Variants in RAD23B observed in about 807,000 individuals in gnomAD.
RAD23B encodes the protein RAD23 nucleotide excision repair protein B, also known as lysine-specific demethylase RAD23B.
A neutral mutation model predicts 49.1 loss-of-function variants in RAD23B; 5 were observed. The observed-to-expected ratio is 0.10, with a 90% CI of 0.05 to 0.21. The LOEUF is 0.21. Among genes scored for constraint, RAD23B ranks in the 10% least tolerant of loss-of-function variants. RAD23B has a pLI of 1.00. For synonymous variants in RAD23B, 184 were observed against 165.4 expected (o/e 1.11, Z -0.86); for missense variants, 356 against 486.7 (o/e 0.73, Z 2.53).
At position 107,331,884 on chromosome 9, in the gene RAD23B, T is replaced by C. The variant is rs1488096149; in HGVS notation, c.*2228T>C. Reference sequence around the variant, plus strand: ...CCGAGACACCATAAAAGAAATAGGCTTTTTGTGCCTTTTGCTGTTAATGTT... The same window carrying C: ...CCGAGACACCATAAAAGAAATAGGCCTTTTGTGCCTTTTGCTGTTAATGTT... On this transcript the variant is annotated 3_prime_UTR_variant, in exon 10 of 10. Coordinates refer to ENST00000358015, the MANE Select transcript of RAD23B (RefSeq NM_002874.5). 1.4e-5 allele frequency: 7 copies of C among 498,116 alleles called. No homozygotes were observed. The highest frequency in any genetic ancestry group is 2.5e-5 in the Non-Finnish European group (7 of 279,142). The allele number at this position is 498,116 out of a possible 1,614,324, so 30.9% of individuals were successfully genotyped here.
intron 1 of RAD23B, chr9:107,284,145 C>G: frequency 4.0e-6 from 4 of 988,948 alleles, no homozygotes; most frequent in Non-Finnish European, 4.8e-6. Flanking sequence ...GAAGATGAGC[C>G]TTAAGAAAAA....
At chr9:107,302,914 C>T (rs1039366572) in intron 3 of RAD23B, among the ~76,000 whole-genome samples, 2 of 152,224 alleles carry the variant, frequency 1.3e-5, no homozygotes, top group African/African-American at 2.4e-5. Context: ...CCTCGGCCTC[C>T]CAAAGTGCTG....
In RAD23B at chr9:107,320,610, ATAGGT is replaced by A. The variant is rs536341096; in HGVS notation, c.682-1370_682-1366del. On this transcript the variant is annotated intron_variant, in intron 6 of 9. Coordinates refer to ENST00000358015, the MANE Select transcript of RAD23B (RefSeq NM_002874.5). ...GCTTTTAACTGTTACTAGTTAAGAGATAGGTTAAGGTGAACGGATGGAAAGAAGAA... is the reference window on the plus strand; with the variant it reads ...GCTTTTAACTGTTACTAGTTAAGAGATAAGGTGAACGGATGGAAAGAAGAA... Among the ~76,000 whole-genome samples, 173 of 152,334 alleles carry A rather than the reference ATAGGT, an allele frequency of 1.1e-3. 3 individuals are homozygous for A. The South Asian group carries it at 0.022, about 19-fold the overall frequency.
At chr9:107,289,370 G>A (rs1274354966) in intron 1 of RAD23B, among the ~76,000 whole-genome samples, 1 of 151,884 alleles carries the variant, frequency 6.6e-6, no homozygotes, top group African/African-American at 2.4e-5. Context: ...TTTTTTTGTA[G>A]GGATGGGGTC....
At chr9:107,312,377 C>T (rs764701652) in intron 5 of RAD23B, among the ~76,000 whole-genome samples, 2 of 152,002 alleles carry the variant, frequency 1.3e-5, no homozygotes, top group Non-Finnish European at 2.9e-5. Context: ...AGGGAGAAAG[C>T]GAGGAATAGG....
At chr9:107,299,127 T>G (rs59380246) in intron 1 of RAD23B, among the ~76,000 whole-genome samples, 2,146 of 152,334 alleles carry the variant, frequency 0.014, 52 homozygotes, top group African/African-American at 0.048. Context: ...TGTGTGAAAT[T>G]GTATGTTAAC....
chr9:107,328,510 T>C (rs1424331748), intron 9 of RAD23B, among the ~76,000 whole-genome samples: 1 of 152,224 alleles, frequency 6.6e-6, no homozygotes, highest in Non-Finnish European at 1.5e-5. Flanking sequence ...ATCCCTCTCA[T>C]GCACAGTTCA....
intron 4 of RAD23B, among the ~76,000 whole-genome samples, chr9:107,310,037 G>A (rs1826861297): frequency 6.6e-6 from 1 of 151,736 alleles, no homozygotes; most frequent in African/African-American, 2.4e-5. Context: ...GATTAAAACA[G>A]TTTGGAATGG....
Position 107,302,123 on chromosome 9 carries a change from C to T in RAD23B, c.228+9C>T. 1 of 1,611,330 alleles carries T rather than the reference C, an allele frequency of 6.2e-7. No individual in the cohort carries two copies. ...TGGTTATGGTGACCAAAGTAAGTTT[C>T]AACCTCATTCTGTATATCTTTATGC... On this transcript the variant is annotated intron_variant, in intron 3 of 9. Transcript: ENST00000358015.
intron 2 of RAD23B, among the ~76,000 whole-genome samples, chr9:107,301,404 TCTC>T (rs1384465358): frequency 2.6e-5 from 4 of 152,206 alleles, no homozygotes; most frequent in East Asian, 1.9e-4. Context: ...ATCTTCATGA[TCTC>T]CTCCTTTTCA....
In RAD23B at chr9:107,313,656, C is replaced by T. The variant is rs185755648; in HGVS notation, c.553+1919C>T. The stretch of plus-strand genomic sequence containing the variant: ...TATACTATATAGATTCCCCAAATTA[C>T]AGCTGCAGTACAGATCTCCCTCTGA... On this transcript the variant is annotated intron_variant, in intron 5 of 9. Coordinates refer to ENST00000358015, the MANE Select transcript of RAD23B (RefSeq NM_002874.5). 2.0e-5 allele frequency among the ~76,000 whole-genome samples: 3 copies of T among 152,314 alleles called. No individual in the cohort carries two copies. In the East Asian group the frequency reaches 5.8e-4, roughly 29 times the overall value.
In RAD23B at chr9:107,322,474, T is replaced by C. The variant is rs563531161; in HGVS notation, c.817+356T>C. On this transcript the variant is annotated intron_variant, in intron 7 of 9. Coordinates refer to ENST00000358015, the MANE Select transcript of RAD23B (RefSeq NM_002874.5). ...CTCTCCATAAATGTTACAAAGTGTA[T>C]GTAATTTCAAAGCCAGCAGGATTTT... 2.6e-5 allele frequency among the ~76,000 whole-genome samples: 4 copies of C among 152,350 alleles called. No homozygotes were observed. In the East Asian group the frequency reaches 7.7e-4, roughly 29 times the overall value.
rs1166756938 is a variant in RAD23B at position 107,323,895 on chromosome 9, C to T, written c.823C>T (p.Pro275Ser). The change falls in exon 8 of 10, where the codon CCC (proline) becomes TCC (serine). Residue 275 changes from proline (P) to serine (S), a missense_variant. Around this residue, in one of 5 missense-constraint regions of RAD23B, gnomAD observed 148 missense variants for 231.7 expected, o/e 0.64. Transcript: ENST00000358015. ...TTTTTSSGGH[P>S]LEFLRNQPQF... ...AATGTTTATGTGTATTTTAGGACAT[C>T]CCCTTGAATTTTTACGGAATCAGCC... 6.2e-7 allele frequency: 1 copy of T among 1,606,668 alleles called. No homozygotes were observed. The highest frequency in any genetic ancestry group is 8.5e-7 in the Non-Finnish European group (1 of 1,173,390).
At chr9:107,326,063 A>G (rs931822404) in intron 9 of RAD23B, among the ~76,000 whole-genome samples, 5 of 152,148 alleles carry the variant, frequency 3.3e-5, no homozygotes, top group African/African-American at 4.8e-5. Context: ...CATTTCTGAG[A>G]TAAATTTTAC....
intron 5 of RAD23B, among the ~76,000 whole-genome samples, chr9:107,312,029 G>A (rs1286850859): frequency 6.6e-6 from 1 of 152,170 alleles, no homozygotes; most frequent in Non-Finnish European, 1.5e-5. Context: ...TCTGTGTATG[G>A]ATTTATTACA....
chr9:107,324,100 A>C, intron 8 of RAD23B, 83 bp downstream of exon 8: 3 of 1,392,244 alleles, frequency 2.2e-6, no homozygotes, highest in Non-Finnish European at 3.0e-6. Context: ...TCCCCTCCTC[A>C]AATACAACTC....
At chr9:107,293,209 C>T (rs1833419024) in intron 1 of RAD23B, among the ~76,000 whole-genome samples, 1 of 152,184 alleles carries the variant, frequency 6.6e-6, no homozygotes, top group African/African-American at 2.4e-5. Flanking sequence ...AAAATAGAAA[C>T]GATGGCTTTT....
At chr9:107,296,889 T>C (rs1290687453) in intron 1 of RAD23B, among the ~76,000 whole-genome samples, 1 of 146,206 alleles carries the variant, frequency 6.8e-6, no homozygotes, top group Non-Finnish European at 1.5e-5. Context: ...GCAGTATTGC[T>C]CTGTCGCCAG....
In RAD23B at chr9:107,329,800, A is replaced by G. The variant is rs1037125838; in HGVS notation, c.*144A>G. On this transcript the variant is annotated 3_prime_UTR_variant, in exon 10 of 10. Coordinates refer to ENST00000358015, the MANE Select transcript of RAD23B (RefSeq NM_002874.5). ...GGGGGTGGGGAGGGAGGGATCTAGGATACAGGGCAGGGATAAATACAGTGC... is the reference window on the plus strand; with the variant it reads ...GGGGGTGGGGAGGGAGGGATCTAGGGTACAGGGCAGGGATAAATACAGTGC... The G allele has an allele frequency of 1.9e-5, 10 of 530,772 alleles. No individual in the cohort carries two copies. In the African/African-American group the frequency reaches 1.9e-4, roughly 10 times the overall value. The allele number at this position is 530,772 out of a possible 1,614,324, so 32.9% of individuals were successfully genotyped here. A position where few individuals can be genotyped will look rare whatever the true frequency, so the allele number is the denominator to read the frequency against.
Sources: allele counts gnomAD v4.1 joint callset (sites outside exome capture counted in the v4.1 genomes callset), GRCh38; gene constraint gnomAD v4.1.1; regional missense constraint gnomAD v4.1.1; transcripts MANE v1.5; gene names NCBI Gene and HGNC (gene_info 2026-07-23, HGNC 2026-07-21).